Variants in RBFOX1 observed in about 807,000 individuals in gnomAD.
RBFOX1 encodes the protein RNA binding fox-1 homolog 1, also known as RNA binding protein fox-1 homolog 1.
A neutral mutation model predicts 57.7 loss-of-function variants in RBFOX1; 8 were observed. That is an observed-to-expected ratio of 0.14 (90% CI 0.08 to 0.25). RBFOX1 has a LOEUF of 0.25. Among genes scored for constraint, RBFOX1 ranks in the 10% least tolerant of loss-of-function variants. RBFOX1 has a pLI of 1.00. For synonymous variants in RBFOX1, 326 were observed against 222.4 expected, an observed-to-expected ratio of 1.47 and a Z score of -4.15; for missense variants, 611 against 548.5, an observed-to-expected ratio of 1.11 and a Z score of -1.14.
intron 1 of RBFOX1, among the ~76,000 whole-genome samples, chr16:6,241,619 T>A (rs142802210): frequency 6.6e-6 from 1 of 152,334 alleles, no homozygotes; most frequent in Non-Finnish European, 1.5e-5. Flanking sequence ...CCCAAAGACG[T>A]GGTGTTAAAT....
At chr16:5,763,915 G>A (rs988880373) in intron 3 of RBFOX1, among the ~76,000 whole-genome samples, 1 of 152,012 alleles carries the variant, frequency 6.6e-6, no homozygotes, top group Non-Finnish European at 1.5e-5. Context: ...TATGTATCCC[G>A]CCCTGGCATT....
At chr16:5,918,995 G>A (rs1223898580) in intron 4 of RBFOX1, among the ~76,000 whole-genome samples, 1 of 152,198 alleles carries the variant, frequency 6.6e-6, no homozygotes, top group Non-Finnish European at 1.5e-5. Context: ...AGTGGAGCCT[G>A]GGGCTGTGAC....
At chr16:6,481,490 C>G (rs1194559195) in intron 2 of RBFOX1, among the ~76,000 whole-genome samples, 2 of 152,220 alleles carry the variant, frequency 1.3e-5, no homozygotes, top group African/African-American at 4.8e-5. Context: ...CACCATGCGT[C>G]CCTTCCTATA....
chr16:7,147,584 C>A (rs1477631319), intron 4 of RBFOX1, among the ~76,000 whole-genome samples: 3 of 152,156 alleles, frequency 2.0e-5, no homozygotes, highest in Admixed American at 6.5e-5. Flanking sequence ...GTTTTCTGTT[C>A]CTGCATTAAT....
chr16:7,327,369 A>C (rs1189271188), intron 4 of RBFOX1, among the ~76,000 whole-genome samples: 1 of 152,236 alleles, frequency 6.6e-6, no homozygotes, highest in Non-Finnish European at 1.5e-5. Context: ...TGGACAGGGT[A>C]AAGTGAGGAA....
chr16:5,677,400 A>G, intron 3 of RBFOX1, among the ~76,000 whole-genome samples: 1 of 152,202 alleles, frequency 6.6e-6, no homozygotes, highest in East Asian at 1.9e-4. Context: ...TTAGGGGAAA[A>G]TGAATGCACT....
At chr16:7,534,982 G>C (rs778247058) in intron 5 of RBFOX1, among the ~76,000 whole-genome samples, 1 of 152,124 alleles carries the variant, frequency 6.6e-6, no homozygotes, top group Non-Finnish European at 1.5e-5. Context: ...GTAGACACGA[G>C]GTAATTACAG....
At chr16:6,899,736 G>C (rs1010634209) in intron 3 of RBFOX1, among the ~76,000 whole-genome samples, 2 of 152,166 alleles carry the variant, frequency 1.3e-5, no homozygotes, top group African/African-American at 4.8e-5. Context: ...GTTTCATCTT[G>C]TGCTGTCCCT....
intron 14 of RBFOX1, among the ~76,000 whole-genome samples, chr16:7,695,144 T>A (rs2078388042): frequency 6.6e-6 from 1 of 152,164 alleles, no homozygotes; most frequent in African/African-American, 2.4e-5. Flanking sequence ...CATTTCAGAT[T>A]GAGAGAGATA....
At chr16:7,700,468 C>G (rs2080306127) in intron 14 of RBFOX1, among the ~76,000 whole-genome samples, 2 of 152,256 alleles carry the variant, frequency 1.3e-5, no homozygotes, top group South Asian at 4.2e-4. Context: ...TGCTGTTCAA[C>G]CCTGCTTCAT....
chr16:6,349,228 T>C (rs1308955584), intron 2 of RBFOX1, among the ~76,000 whole-genome samples: 2 of 152,122 alleles, frequency 1.3e-5, no homozygotes, highest in Non-Finnish European at 2.9e-5. Context: ...CCTTCAGAAC[T>C]CAAAGCAGAT....
At chr16:7,254,641 A>C (rs530089229) in intron 4 of RBFOX1, among the ~76,000 whole-genome samples, 56 of 152,218 alleles carry the variant, frequency 3.7e-4, no homozygotes, top group African/African-American at 1.3e-3. Context: ...TTTTCTTTTC[A>C]ATCCTGTCTT....
intron 3 of RBFOX1, among the ~76,000 whole-genome samples, chr16:5,673,590 T>C (rs1053899213): frequency 9.9e-5 from 15 of 152,208 alleles, no homozygotes; most frequent in Non-Finnish European, 1.9e-4. Flanking sequence ...AGGGGCTCCA[T>C]GGAGGGCAAC....
chr16:7,218,729 TG>T (rs918485578), intron 4 of RBFOX1, among the ~76,000 whole-genome samples: 3 of 120,712 alleles, frequency 2.5e-5, no homozygotes, highest in Admixed American at 9.0e-5. Context: ...CATCTTAAAG[TG>T]TTTTTTTTTT....
intron 4 of RBFOX1, among the ~76,000 whole-genome samples, chr16:7,486,222 A>T (rs1289001344): frequency 1.4e-5 from 2 of 143,844 alleles, no homozygotes; most frequent in African/African-American, 5.1e-5. Flanking sequence ...TCCCGGGTTC[A>T]AGTGATTCTC....
chr16:6,862,329 T>A (rs2059165626), intron 3 of RBFOX1, among the ~76,000 whole-genome samples: 1 of 152,136 alleles, frequency 6.6e-6, no homozygotes, highest in African/African-American at 2.4e-5. Flanking sequence ...TCACAGGCGA[T>A]GCTGATCGTG....
At chr16:5,409,729 C>A (rs1338390340) in intron 1 of RBFOX1, among the ~76,000 whole-genome samples, 1 of 151,966 alleles carries the variant, frequency 6.6e-6, no homozygotes, top group Non-Finnish European at 1.5e-5. Flanking sequence ...TGTGTCTGTG[C>A]TCTAAGTATT....
In RBFOX1 at chr16:7,685,279, T is replaced by G. The variant is rs1480018827; in HGVS notation, c.995+8441T>G. On this transcript the variant is annotated intron_variant, in intron 14 of 15. Transcript: ENST00000550418. ...GATCTATCTTTATAAATTATTGACTTTTATTACCATTGCCTCTCTACTCTC... is the reference window on the plus strand; with the variant it reads ...GATCTATCTTTATAAATTATTGACTGTTATTACCATTGCCTCTCTACTCTC... 2.6e-5 allele frequency among the ~76,000 whole-genome samples: 4 copies of G among 152,240 alleles called. No individual in the cohort carries two copies. The East Asian group carries it at 5.8e-4, about 22-fold the overall frequency.
chr16:7,450,708 G>A (rs557521447), intron 4 of RBFOX1, among the ~76,000 whole-genome samples: 12 of 152,228 alleles, frequency 7.9e-5, no homozygotes, highest in East Asian at 5.8e-4. Flanking sequence ...CCTACTGGGC[G>A]CCAGGCATGG....
Sources: gnomAD v4.1 joint callset for allele counts (sites outside exome capture counted in the v4.1 genomes callset) on GRCh38, gnomAD v4.1.1 for gene constraint, MANE v1.5 for transcripts, NCBI Gene and HGNC (gene_info 2026-07-23, HGNC 2026-07-21) for gene names.